Variants in ADCY2 observed in about 807,000 individuals in gnomAD.
ADCY2 encodes the protein adenylate cyclase 2, also known as adenylate cyclase type 2.
ADCY2 carries 31 observed loss-of-function variants against 125.2 expected under a neutral mutation model. The observed-to-expected ratio is 0.25, with a 90% CI of 0.19 to 0.33. The LOEUF is 0.33. ADCY2 is among the 10% of genes least tolerant of loss of function. The pLI is 1.00. For synonymous variants in ADCY2, 512 were observed against 548.4 expected, an observed-to-expected ratio of 0.93 and a Z score of 0.93; for missense variants, 904 against 1,418.2, an observed-to-expected ratio of 0.64 and a Z score of 5.82.
rs148446889 is a variant in ADCY2 at position 7,490,681 on chromosome 5, GCA to G, written c.409-30046_409-30045del. On this transcript the variant is annotated intron_variant, in intron 2 of 24. Coordinates refer to ENST00000338316, the MANE Select transcript of ADCY2 (RefSeq NM_020546.3). ...CATGCATGCACACACACACATGCAT[GCA>G]CACACACACAGGCACACCATCATTT... Among the ~76,000 whole-genome samples the G allele has an allele frequency of 3.0e-3, 455 of 151,804 alleles. 4 individuals are homozygous for G. Among genetic ancestry groups the G allele is most frequent in the African/African-American group, 0.01 (428 of 41,394 alleles).
chr5:7,419,718 C>T (rs1038207747), intron 2 of ADCY2, among the ~76,000 whole-genome samples: 1 of 152,164 alleles, frequency 6.6e-6, no homozygotes, highest in Admixed American at 6.5e-5. Context: ...GGGCCTAGGT[C>T]ACCTTCCAGC....
intron 4 of ADCY2, among the ~76,000 whole-genome samples, chr5:7,636,234 C>CA: frequency 6.6e-6 from 1 of 152,202 alleles, no homozygotes; most frequent in Non-Finnish European, 1.5e-5. Context: ...GCAGGGCCAG[C>CA]AAAAAGCAGG....
chr5:7,690,960 G>A, intron 5 of ADCY2, 121 bp downstream of exon 5: 1 of 1,182,902 alleles, frequency 8.5e-7, no homozygotes, highest in Non-Finnish European at 1.1e-6. Flanking sequence ...CTTTGCAGGG[G>A]AAATAATCAC....
At chr5:7,522,164 G>C (rs1419131087) in intron 3 of ADCY2, among the ~76,000 whole-genome samples, 2 of 152,154 alleles carry the variant, frequency 1.3e-5, no homozygotes, top group Non-Finnish European at 2.9e-5. Flanking sequence ...GACAAATTAA[G>C]GTGGTATGTA....
intron 3 of ADCY2, among the ~76,000 whole-genome samples, chr5:7,620,815 T>A (rs1737928795): frequency 6.6e-6 from 1 of 152,212 alleles, no homozygotes; most frequent in Non-Finnish European, 1.5e-5. Flanking sequence ...TTTGCATATT[T>A]ATGATCTGCT....
intron 4 of ADCY2, among the ~76,000 whole-genome samples, chr5:7,660,542 G>C (rs1223503808): frequency 2.6e-5 from 4 of 152,200 alleles, no homozygotes; most frequent in Admixed American, 1.3e-4. Context: ...GCAAGTCTGA[G>C]ATCTGTAAGG....
chr5:7,460,659 G>A (rs1026307444), intron 2 of ADCY2, among the ~76,000 whole-genome samples: 4 of 152,104 alleles, frequency 2.6e-5, no homozygotes, highest in African/African-American at 7.2e-5. Flanking sequence ...TTCACTTGGG[G>A]TTGGTGTTTT....
chr5:7,664,138 G>A (rs1179895353), intron 4 of ADCY2, among the ~76,000 whole-genome samples: 1 of 152,126 alleles, frequency 6.6e-6, no homozygotes, highest in Non-Finnish European at 1.5e-5. Flanking sequence ...TCGAAATGGA[G>A]GTTAAATGAA....
chr5:7,442,697 T>G (rs1741060063), intron 2 of ADCY2, among the ~76,000 whole-genome samples: 1 of 152,228 alleles, frequency 6.6e-6, no homozygotes, highest in Non-Finnish European at 1.5e-5. Context: ...GAAATTATCC[T>G]GTAAGGAACT....
chr5:7,699,777 G>A (rs575321753), intron 7 of ADCY2, among the ~76,000 whole-genome samples: 5 of 152,102 alleles, frequency 3.3e-5, no homozygotes, highest in East Asian at 1.9e-4. Context: ...TTGTAGAGAC[G>A]GGGTGTCTCT....
At chr5:7,733,934 T>C (rs1742176209) in intron 14 of ADCY2, among the ~76,000 whole-genome samples, 1 of 152,262 alleles carries the variant, frequency 6.6e-6, no homozygotes, top group South Asian at 2.1e-4. Context: ...GAAAGGCTAC[T>C]GTAATGGTGA....
At chr5:7,806,169 A>T (rs1159782660) in intron 22 of ADCY2, among the ~76,000 whole-genome samples, 1 of 152,056 alleles carries the variant, frequency 6.6e-6, no homozygotes, top group East Asian at 1.9e-4. Context: ...AAATCGAGAT[A>T]TTAAAATGTA....
chr5:7,561,935 A>C (rs1735719573), intron 3 of ADCY2, among the ~76,000 whole-genome samples: 1 of 152,148 alleles, frequency 6.6e-6, no homozygotes, highest in Non-Finnish European at 1.5e-5. Context: ...CACACTCAGG[A>C]ATATCGTATT....
At chr5:7,571,162 G>A (rs1007535715) in intron 3 of ADCY2, among the ~76,000 whole-genome samples, 2 of 152,134 alleles carry the variant, frequency 1.3e-5, no homozygotes, top group African/African-American at 4.8e-5. Context: ...TTCTGGATAT[G>A]TGTCAGAAGA....
intron 17 of ADCY2, among the ~76,000 whole-genome samples, chr5:7,769,552 T>TTA (rs1171454572): frequency 6.6e-6 from 1 of 152,202 alleles, no homozygotes; most frequent in Non-Finnish European, 1.5e-5. Flanking sequence ...ACCCTTATTT[T>TTA]TATATATATC....
At chr5:7,603,809 T>C (rs1737308387) in intron 3 of ADCY2, among the ~76,000 whole-genome samples, 6 of 115,246 alleles carry the variant, frequency 5.2e-5, no homozygotes, top group Admixed American at 8.7e-5. Context: ...TTTTTTTTTT[T>C]CTTTTGTTTT....
chr5:7,771,122 A>T (rs1743544279), intron 17 of ADCY2, among the ~76,000 whole-genome samples: 1 of 152,122 alleles, frequency 6.6e-6, no homozygotes, highest in Admixed American at 6.5e-5. Flanking sequence ...CCTGAAGTAG[A>T]TACTTAGTAA....
chr5:7,747,208 T>A (rs1742652860), intron 15 of ADCY2, among the ~76,000 whole-genome samples: 1 of 152,148 alleles, frequency 6.6e-6, no homozygotes. Context: ...TGCACGTGGG[T>A]GGGCCCAGCC....
chr5:7,643,445 T>C (rs1738781708), intron 4 of ADCY2, among the ~76,000 whole-genome samples: 1 of 152,126 alleles, frequency 6.6e-6, no homozygotes, highest in Admixed American at 6.6e-5. Context: ...CCCTGAAATT[T>C]TTATATTTTC....
Sources: gnomAD v4.1 joint callset for allele counts (sites outside exome capture counted in the v4.1 genomes callset) on GRCh38, gnomAD v4.1.1 for gene constraint, MANE v1.5 for transcripts, NCBI Gene and HGNC (gene_info 2026-07-23, HGNC 2026-07-21) for gene names.